CACNA2D3: variants seen among roughly 807,000 people sequenced by gnomAD.
The protein encoded by CACNA2D3 is voltage-dependent calcium channel subunit alpha-2/delta-3.
CACNA2D3 carries 60 observed loss-of-function variants against 160.6 expected under a neutral mutation model. That is an observed-to-expected ratio of 0.37 (90% CI 0.30 to 0.46). CACNA2D3 has a LOEUF of 0.46. CACNA2D3 is among the 20% of genes least tolerant of loss of function. The pLI is 1.00. For missense variants in CACNA2D3, 1,205 were observed against 1,365.0 expected (o/e 0.88, Z 1.85); for synonymous variants, 558 against 492.9 (o/e 1.13, Z -1.75).
intron 9 of CACNA2D3, among the ~76,000 whole-genome samples, chr3:54,606,298 C>T (rs1277754671): frequency 1.3e-5 from 2 of 151,954 alleles, no homozygotes; most frequent in Admixed American, 6.6e-5. Context: ...TTGGAATAGT[C>T]GATAGAGGAA....
intron 13 of CACNA2D3, among the ~76,000 whole-genome samples, chr3:54,782,348 G>T (rs1015564520): frequency 1.3e-5 from 2 of 152,142 alleles, no homozygotes; most frequent in African/African-American, 4.8e-5. Flanking sequence ...TAGTGGTGGT[G>T]ATCTCATAGA....
In CACNA2D3 at chr3:54,969,862, T is replaced by G. The variant is rs1270868975; in HGVS notation, c.2556+18T>G. 1.2e-6 allele frequency: 2 copies of G among 1,611,328 alleles called. No homozygotes were observed. Among genetic ancestry groups the G allele is most frequent in the African/African-American group, 1.3e-5 (1 of 74,974 alleles). ...ATGATGAGGTAAGACGGCCTCCTGG[T>G]CCTGTTTCTACCCCTGTGGATAGAA... On this transcript the variant is annotated intron_variant, in intron 29 of 37. Transcript: ENST00000474759.
At chr3:54,223,255 T>G (rs1701607309) in intron 2 of CACNA2D3, among the ~76,000 whole-genome samples, 1 of 152,224 alleles carries the variant, frequency 6.6e-6, no homozygotes, top group African/African-American at 2.4e-5. Flanking sequence ...CAGTATAGCC[T>G]GCTGCACAAT....
chr3:54,454,846 AT>A (rs1700369902), intron 4 of CACNA2D3, among the ~76,000 whole-genome samples: 1 of 151,922 alleles, frequency 6.6e-6, no homozygotes, highest in Non-Finnish European at 1.5e-5. Flanking sequence ...AATACACAGC[AT>A]TTGTCTTTCT....
At chr3:54,525,116 T>G (rs539377570) in intron 5 of CACNA2D3, among the ~76,000 whole-genome samples, 4 of 152,262 alleles carry the variant, frequency 2.6e-5, no homozygotes, top group African/African-American at 9.6e-5. Flanking sequence ...ATGTTTTAGT[T>G]CATAAGGTAT....
chr3:55,025,558 CA>C (rs1406290184), intron 35 of CACNA2D3, among the ~76,000 whole-genome samples: 1 of 148,984 alleles, frequency 6.7e-6, no homozygotes, highest in Non-Finnish European at 1.5e-5. Context: ...TGCTTGAACC[CA>C]GGAGGCGGAG....
intron 13 of CACNA2D3, 130 bp from the exon 14 acceptor site, chr3:54,816,723 C>A: frequency 1.1e-6 from 1 of 939,838 alleles, no homozygotes; most frequent in Non-Finnish European, 1.6e-6. Context: ...CTTGCTTTAC[C>A]TCTTTTTCAC....
chr3:55,037,011 C>T (rs73845256), intron 35 of CACNA2D3, among the ~76,000 whole-genome samples: 1,390 of 133,818 alleles, frequency 0.01, 23 homozygotes, highest in African/African-American at 0.038. Context: ...CCAGGTTTCC[C>T]AGGTGATTCT....
At chr3:54,904,988 C>A (rs1348894765) in intron 27 of CACNA2D3, among the ~76,000 whole-genome samples, 1 of 152,138 alleles carries the variant, frequency 6.6e-6, no homozygotes, top group Non-Finnish European at 1.5e-5. Context: ...TTCTGAGGTC[C>A]GGGCATCTAA....
At chr3:54,656,427 G>T (rs1252149238) in intron 11 of CACNA2D3, among the ~76,000 whole-genome samples, 1 of 152,210 alleles carries the variant, frequency 6.6e-6, no homozygotes, top group Non-Finnish European at 1.5e-5. Context: ...CTGGTCTCTG[G>T]CAGTCAGAAA....
intron 5 of CACNA2D3, among the ~76,000 whole-genome samples, chr3:54,525,775 C>T (rs1166684151): frequency 5.3e-5 from 8 of 150,230 alleles, no homozygotes; most frequent in African/African-American, 2.0e-4. Flanking sequence ...TGTCTTTGGC[C>T]TTCAGCTTTT....
rs140108739 is a variant in CACNA2D3, at chr3:54,601,643, T to C, written c.963+19766T>C. ...TTGCAGTCTGTCCACCGACATAGTATTAGACACTATTGGGATCTAACACAA... is the reference window on the plus strand; with the variant it reads ...TTGCAGTCTGTCCACCGACATAGTACTAGACACTATTGGGATCTAACACAA... On this transcript the variant is annotated intron_variant, in intron 9 of 37. Coordinates refer to ENST00000474759, the MANE Select transcript of CACNA2D3 (RefSeq NM_018398.3). Among the ~76,000 whole-genome samples, 361 of 152,178 alleles carry C rather than the reference T, an allele frequency of 2.4e-3. 1 individual carries two copies. The highest frequency in any genetic ancestry group is 8.2e-3 in the African/African-American group (339 of 41,524).
intron 4 of CACNA2D3, among the ~76,000 whole-genome samples, chr3:54,486,687 C>G (rs143261426): frequency 6.6e-6 from 1 of 152,168 alleles, no homozygotes; most frequent in African/African-American, 2.4e-5. Context: ...AGCACCACAT[C>G]TTGTGACCCT....
At chr3:54,689,914 T>A (rs931642603) in intron 11 of CACNA2D3, among the ~76,000 whole-genome samples, 4 of 152,198 alleles carry the variant, frequency 2.6e-5, no homozygotes, top group Non-Finnish European at 2.9e-5. Context: ...GCTTCCATTT[T>A]CTCCAAGTAG....
At chr3:54,400,307 G>T (rs553116539) in intron 4 of CACNA2D3, among the ~76,000 whole-genome samples, 2 of 151,712 alleles carry the variant, frequency 1.3e-5, no homozygotes, top group East Asian at 3.9e-4. Flanking sequence ...TTCCTATTCG[G>T]CCATCTTGGC....
chr3:54,857,433 A>G (rs1699196734), intron 17 of CACNA2D3, among the ~76,000 whole-genome samples: 1 of 152,118 alleles, frequency 6.6e-6, no homozygotes, highest in Admixed American at 6.5e-5. Flanking sequence ...GCAGCAGACA[A>G]GATGTGACGA....
Position 54,369,330 on chromosome 3 carries a change from C to T in CACNA2D3, c.322-17385C>T, listed in dbSNP as rs374907711. ...GTTCATTTTGCTGGTGGGTGGGATT[C>T]GCTTTGACAGTGACAGGGAGCCGTG... On this transcript the variant is annotated intron_variant, in intron 3 of 37. Coordinates refer to ENST00000474759, the MANE Select transcript of CACNA2D3 (RefSeq NM_018398.3). Among the ~76,000 whole-genome samples the T allele has an allele frequency of 1.2e-3, 186 of 151,904 alleles. 1 individual carries two copies. The highest frequency in any genetic ancestry group is 4.3e-3 in the African/African-American group (177 of 41,424).
At chr3:54,431,065 G>A (rs1013749072) in intron 4 of CACNA2D3, among the ~76,000 whole-genome samples, 4 of 152,134 alleles carry the variant, frequency 2.6e-5, no homozygotes, top group Non-Finnish European at 5.9e-5. Flanking sequence ...GGGGCCTGGT[G>A]CGGTGGCTCA....
intron 3 of CACNA2D3, among the ~76,000 whole-genome samples, chr3:54,335,738 C>T (rs1327766483): frequency 1.3e-5 from 2 of 152,152 alleles, no homozygotes; most frequent in Non-Finnish European, 2.9e-5. Context: ...GGCGCAGTGG[C>T]TCATGCCTGT....
Sources: gnomAD v4.1 joint callset for allele counts (sites outside exome capture counted in the v4.1 genomes callset) on GRCh38, gnomAD v4.1.1 for gene constraint, MANE v1.5 for transcripts, NCBI Gene and HGNC (gene_info 2026-07-23, HGNC 2026-07-21) for gene names.